CRMP1: variants seen among roughly 807,000 people sequenced by gnomAD.
CRMP1 encodes collapsin response mediator protein 1, also known as dihydropyrimidinase-related protein 1.
Under a neutral mutation model 68.3 loss-of-function variants are expected in CRMP1, and 19 were observed. That is an observed-to-expected ratio of 0.28 (90% CI 0.19 to 0.41). The LOEUF (loss-of-function observed/expected upper bound fraction) is 0.41. CRMP1 is among the 10% of genes least tolerant of loss of function. The pLI is 1.00. For synonymous variants in CRMP1, 439 were observed against 399.6 expected, an observed-to-expected ratio of 1.10 and a Z score of -1.18; for missense variants, 791 against 967.4, an observed-to-expected ratio of 0.82 and a Z score of 2.42.
At chr4:5,832,253 A>C (rs1720432998) in intron 11 of CRMP1, among the ~76,000 whole-genome samples, 1 of 152,244 alleles carries the variant, frequency 6.6e-6, no homozygotes, top group Admixed American at 6.5e-5. Context: ...ATGATTGTAC[A>C]ACCTTCTCAA....
chr4:5,843,245 A>C lies in CRMP1; in HGVS notation c.964-84T>G. ...CTCCTCCAACCCCCTGGTTAGACAG[A>C]GGGGGCAGCTGGGTCCCAAAGAGGC... On this transcript the variant is annotated intron_variant, in intron 6 of 13. Transcript: ENST00000324989. The surrounding 1 kb of genome is among the most constrained non-coding windows in gnomAD (Gnocchi z 4.1). The C allele has an allele frequency of 7.0e-7, 1 of 1,429,358 alleles. No homozygotes were observed. The highest frequency in any genetic ancestry group is 1.2e-5 in the South Asian group (1 of 86,454). 88.5% of individuals were successfully genotyped at this position (1,429,358 alleles called of 1,614,324 possible).
At chr4:5,857,626 T>A (rs1713235804) in intron 3 of CRMP1, among the ~76,000 whole-genome samples, 1 of 152,112 alleles carries the variant, frequency 6.6e-6, no homozygotes, top group Non-Finnish European at 1.5e-5. Flanking sequence ...AAAGTGAAAA[T>A]TAATATACCC....
Position 5,838,618 on chromosome 4 carries a change from T to TG in CRMP1, c.1310+903dup, listed in dbSNP as rs1053255838. On this transcript the variant is annotated intron_variant, in intron 9 of 13. Transcript: ENST00000324989. This position sits in a 1 kb window ranked among gnomAD's most constrained non-coding sequence, Gnocchi z 4.9. Reference sequence around the variant, plus strand: ...CAAGACTGTGGGACTAGCAGCTTTATGGGGGAAGATCTGCAGTTCTTTGTA... The same window carrying TG: ...CAAGACTGTGGGACTAGCAGCTTTATGGGGGGAAGATCTGCAGTTCTTTGTA... 1.8e-4 allele frequency among the ~76,000 whole-genome samples: 28 copies of TG among 152,234 alleles called. No homozygotes were observed. The highest frequency in any genetic ancestry group is 6.5e-4 in the African/African-American group (27 of 41,550).
chr4:5,828,781 TTCTC>T (rs1408583877), intron 11 of CRMP1, 113 bp from the exon 12 acceptor site: 15 of 1,299,554 alleles, frequency 1.2e-5, no homozygotes, highest in East Asian at 2.5e-5. Context: ...ATGTTTTTTT[TTCTC>T]TCTAAAAATA....
At chr4:5,875,130 G>A (rs1249505874) in intron 1 of CRMP1, among the ~76,000 whole-genome samples, 1 of 152,118 alleles carries the variant, frequency 6.6e-6, no homozygotes, top group Non-Finnish European at 1.5e-5. Context: ...ATTAGGTTGA[G>A]CTCTGCTTAC....
rs544587128 is a variant in CRMP1 at position 5,833,295 on chromosome 4, T to C, written c.1623+2620A>G. On this transcript the variant is annotated intron_variant, in intron 11 of 13. Transcript: ENST00000324989. ...CATTCTCCTGCCTCAGCCTCCCGAG[T>C]AGCTGGGACTACAGGCGCCCGCCAC... 2.3e-4 allele frequency among the ~76,000 whole-genome samples: 30 copies of C among 129,742 alleles called. 4 individuals carry two copies. The highest frequency in any genetic ancestry group is 5.2e-4 in the Admixed American group (7 of 13,388). The allele number at this position is 129,742 out of a possible 152,430, so 85.1% of individuals were successfully genotyped here. A position where few individuals can be genotyped will look rare whatever the true frequency, so the allele number is the denominator to read the frequency against.
rs940898520 is a variant in CRMP1, at chr4:5,881,835, T to C, written c.381+10754A>G. 3.3e-5 allele frequency among the ~76,000 whole-genome samples: 5 copies of C among 152,210 alleles called. No homozygotes were observed. The highest frequency in any genetic ancestry group is 2.6e-4 in the Admixed American group (4 of 15,290). ...TCACAGCACACAGGCTGAGAACCAC[T>C]GGTTGTTGAAATAGCTTGCATTTTT... On this transcript the variant is annotated intron_variant, in intron 1 of 13. Transcript: ENST00000324989. This position sits in a 1 kb window ranked among gnomAD's most constrained non-coding sequence, Gnocchi z 4.6.
intron 9 of CRMP1, 72 bp from the exon 10 acceptor site, chr4:5,836,978 T>C: frequency 6.7e-7 from 1 of 1,494,278 alleles, no homozygotes; most frequent in East Asian, 2.3e-5. Context: ...TTCAGACAGG[T>C]ACATGCAGCA....
chr4:5,843,755 C>G lies in CRMP1; in HGVS notation c.964-594G>C, dbSNP rs1222181502. ...ATACGAAACATGCTCAGCACAAAAC[C>G]TGGAGCTGAGCGAGCACACGCTCAT... On this transcript the variant is annotated intron_variant, in intron 6 of 13. Coordinates refer to ENST00000324989, the MANE Select transcript of CRMP1 (RefSeq NM_001014809.3). This position sits in a 1 kb window ranked among gnomAD's most constrained non-coding sequence, Gnocchi z 4.1. 1.3e-5 allele frequency among the ~76,000 whole-genome samples: 2 copies of G among 152,106 alleles called. No homozygotes were observed. The highest frequency in any genetic ancestry group is 2.9e-5 in the Non-Finnish European group (2 of 68,016).
At position 5,870,433 on chromosome 4, in the gene CRMP1, G is replaced by A. The variant is rs1714358044; in HGVS notation, c.382-3677C>T. ...ACTCCCCAGGGGACGCATGACACAG[G>A]CGTTGGTGGGGACGGCACTGCCTGG... On this transcript the variant is annotated intron_variant, in intron 1 of 13. Transcript: ENST00000324989. This position sits in a 1 kb window ranked among gnomAD's most constrained non-coding sequence, Gnocchi z 6.0. Among the ~76,000 whole-genome samples the A allele has an allele frequency of 6.6e-6, 1 of 152,242 alleles. No homozygotes were observed. The highest frequency in any genetic ancestry group is 2.4e-5 in the African/African-American group (1 of 41,480).
intron 1 of CRMP1, among the ~76,000 whole-genome samples, chr4:5,876,229 C>T (rs1022170373): frequency 2.0e-5 from 3 of 152,134 alleles, no homozygotes; most frequent in South Asian, 2.1e-4. Flanking sequence ...CTTATGTTTC[C>T]GAGTGGACAT....
rs2152437085 is a variant in CRMP1, at chr4:5,825,113, A to G, written c.1969+381T>C. The G allele has an allele frequency of 1.7e-5, 17 of 985,420 alleles. No individual in the cohort carries two copies. The highest frequency in any genetic ancestry group is 1.9e-5 in the Non-Finnish European group (16 of 829,926). The allele number at this position is 985,420 out of a possible 1,614,324, so 61.0% of individuals were successfully genotyped here. On this transcript the variant is annotated intron_variant, in intron 13 of 13. Transcript: ENST00000324989. This position sits in a 1 kb window ranked among gnomAD's most constrained non-coding sequence, Gnocchi z 4.4. Reference sequence around the variant, plus strand: ...GTGGGTGAACAGGCTAAAGACTTACACAGAGCACATGCCCTGCAAATGGCA... The same window carrying G: ...GTGGGTGAACAGGCTAAAGACTTACGCAGAGCACATGCCCTGCAAATGGCA...
At position 5,858,950 on chromosome 4, in the gene CRMP1, C is replaced by T. The variant is rs141067275; in HGVS notation, c.655+2076G>A. Among the ~76,000 whole-genome samples, 1,138 of 152,280 alleles carry T rather than the reference C, an allele frequency of 7.5e-3. 11 individuals carry two copies. The highest frequency in any genetic ancestry group is 0.026 in the African/African-American group (1,083 of 41,560). On this transcript the variant is annotated intron_variant, in intron 3 of 13. Transcript: ENST00000324989. This position sits in a 1 kb window ranked among gnomAD's most constrained non-coding sequence, Gnocchi z 5.5. ...TCTGCTTTTCTCTGCCCTCTTCTCC[C>T]GGTTAATTCCAACTCATCCTTCAGA...
At chr4:5,851,830 AAGG>A (rs147146386) in intron 4 of CRMP1, among the ~76,000 whole-genome samples, 7,367 of 148,904 alleles carry the variant, frequency 0.049, 212 homozygotes, top group Middle Eastern at 0.1. Flanking sequence ...GAGGAGAAAG[AAGG>A]AGAAGGGGAG....
chr4:5,888,721 G>A lies in CRMP1; in HGVS notation c.381+3868C>T. On this transcript the variant is annotated intron_variant, in intron 1 of 13. Coordinates refer to ENST00000324989, the MANE Select transcript of CRMP1 (RefSeq NM_001014809.3). The surrounding 1 kb of genome is among the most constrained non-coding windows in gnomAD (Gnocchi z 6.4). ...TCGCTCTCGCGATCCAGAGAGTATG[G>A]TTTTCAGGGCTCCTTTAAAAGAAAA... The A allele has an allele frequency of 1.4e-6, 1 of 735,090 alleles. No homozygotes were observed. The highest frequency in any genetic ancestry group is 1.7e-6 in the Non-Finnish European group (1 of 601,682). The allele number at this position is 735,090 out of a possible 1,614,324, so 45.5% of individuals were successfully genotyped here.
intron 1 of CRMP1, among the ~76,000 whole-genome samples, chr4:5,876,221 T>C (rs760903690): frequency 2.1e-4 from 32 of 152,162 alleles, no homozygotes; most frequent in Non-Finnish European, 4.0e-4. Context: ...AATCATGACT[T>C]ATGTTTCCGA....
Position 5,888,453 on chromosome 4 carries a change from G to A in CRMP1, c.381+4136C>T. 8.2e-7 allele frequency: 1 copy of A among 1,212,940 alleles called. No homozygotes were observed. 75.1% of individuals were successfully genotyped at this position (1,212,940 alleles called of 1,614,324 possible). The stretch of plus-strand genomic sequence containing the variant: ...CCGGCTGCTCGGCCCGCCCGCCGCC[G>A]CTCCGGCTGCCAGCACCGCCCGGAT... On this transcript the variant is annotated intron_variant, in intron 1 of 13. Transcript: ENST00000324989. The surrounding 1 kb of genome is among the most constrained non-coding windows in gnomAD (Gnocchi z 6.4).
At chr4:5,851,572 G>C in intron 4 of CRMP1, 103 bp from the exon 5 acceptor site, 1 of 1,150,450 alleles carries the variant, frequency 8.7e-7, no homozygotes, top group South Asian at 1.3e-5. Flanking sequence ...GTCGCCAGGA[G>C]AGATGAGTGC....
rs1485749959 is a variant in CRMP1 at position 5,834,943 on chromosome 4, A to C, written c.1623+972T>G. On this transcript the variant is annotated intron_variant, in intron 11 of 13. Coordinates refer to ENST00000324989, the MANE Select transcript of CRMP1 (RefSeq NM_001014809.3). This position sits in a 1 kb window ranked among gnomAD's most constrained non-coding sequence, Gnocchi z 4.3. The stretch of plus-strand genomic sequence containing the variant: ...TCTGCAGGCCATGTCTGTGGCAGCC[A>C]ATGGATACTCCAGGGCCATGGCCGT... 6.6e-6 allele frequency among the ~76,000 whole-genome samples: 1 copy of C among 152,206 alleles called. No individual in the cohort carries two copies. Among genetic ancestry groups the C allele is most frequent in the African/African-American group, 2.4e-5 (1 of 41,458 alleles).
Sources: allele counts gnomAD v4.1 joint callset (sites outside exome capture counted in the v4.1 genomes callset), GRCh38; gene constraint gnomAD v4.1.1; non-coding constraint Gnocchi (gnomAD v3.1); transcripts MANE v1.5; gene names NCBI Gene and HGNC (gene_info 2026-07-23, HGNC 2026-07-21).